Variants in EYS observed in about 807,000 individuals in gnomAD.
EYS encodes the protein EGF-like photoreceptor maintenance factor.
Under a neutral mutation model 282.1 loss-of-function variants are expected in EYS, and 250 were observed. That is an observed-to-expected ratio of 0.89 (90% CI 0.80 to 0.98). The LOEUF (loss-of-function observed/expected upper bound fraction) is 0.98, where lower values mean the gene tolerates loss of function less well. Ranked by LOEUF, EYS falls within the 50% of genes least tolerant of loss-of-function variation. The pLI is 0.00. For synonymous variants in EYS, 1,355 were observed against 1,282.9 expected (o/e 1.06, Z -1.20); for missense variants, 4,016 against 3,709.0 (o/e 1.08, Z -2.15).
In EYS at chr6:64,734,080, T is replaced by C. The variant is rs574586192; in HGVS notation, c.3443+79298A>G. On this transcript the variant is annotated intron_variant, in intron 22 of 42. Coordinates refer to ENST00000503581, the MANE Select transcript of EYS (RefSeq NM_001142800.2). The stretch of plus-strand genomic sequence containing the variant: ...AGTAACAATATTATATTGTGGTGCT[T>C]ACCCAATCACGAATCTTCTGCCCAT... Among the ~76,000 whole-genome samples the C allele has an allele frequency of 9.2e-5, 14 of 151,812 alleles. No individual in the cohort carries two copies. In the East Asian group the frequency reaches 2.7e-3, roughly 29 times the overall value.
At chr6:64,142,305 G>A (rs890125261) in intron 31 of EYS, among the ~76,000 whole-genome samples, 5 of 151,906 alleles carry the variant, frequency 3.3e-5, no homozygotes, top group Admixed American at 6.6e-5. Context: ...TACTACAGAT[G>A]GGATATGTCA....
intron 26 of EYS, among the ~76,000 whole-genome samples, chr6:64,568,854 C>T (rs1765634712): frequency 6.6e-6 from 1 of 151,874 alleles, no homozygotes; most frequent in Non-Finnish European, 1.5e-5. Flanking sequence ...TGGAGTGGAC[C>T]TCCAGCAAAC....
chr6:64,610,292 G>C (rs1249605706), intron 24 of EYS, among the ~76,000 whole-genome samples: 2 of 151,904 alleles, frequency 1.3e-5, no homozygotes, highest in Non-Finnish European at 2.9e-5. Context: ...GCAAAAATCT[G>C]ATGCATAAAG....
intron 33 of EYS, among the ~76,000 whole-genome samples, chr6:64,017,694 A>G (rs1215014705): frequency 1.3e-5 from 2 of 152,200 alleles, no homozygotes; most frequent in Non-Finnish European, 2.9e-5. Flanking sequence ...CCCACAGCCC[A>G]GTGACAATTC....
chr6:64,805,790 T>C (rs1764403354), intron 22 of EYS, among the ~76,000 whole-genome samples: 1 of 151,364 alleles, frequency 6.6e-6, no homozygotes. Context: ...AAAATTCTGA[T>C]TTGGAGAACT....
At chr6:65,510,026 T>A (rs928151153) in intron 2 of EYS, among the ~76,000 whole-genome samples, 13 of 152,106 alleles carry the variant, frequency 8.5e-5, no homozygotes, top group African/African-American at 9.7e-5. Context: ...TTTCTTTTTT[T>A]AATTATTATT....
chr6:64,184,723 A>C (rs1764883575), intron 31 of EYS, among the ~76,000 whole-genome samples: 1 of 152,188 alleles, frequency 6.6e-6, no homozygotes, highest in African/African-American at 2.4e-5. Flanking sequence ...GATTTCACAA[A>C]TGTAAATTGA....
intron 11 of EYS, among the ~76,000 whole-genome samples, chr6:65,306,859 A>AAAAAAAAAAAAAAAAAAAAAAAAAT: frequency 7.0e-6 from 1 of 142,400 alleles, no homozygotes. Context: ...AAAAAAAAAA[A>AAAAAAAAAAAAAAAAAAAAAAAAAT]AAAGAAAGTC....
chr6:63,804,207 G>A (rs1770848806), intron 37 of EYS, among the ~76,000 whole-genome samples: 2 of 152,006 alleles, frequency 1.3e-5, no homozygotes, highest in African/African-American at 2.4e-5. Context: ...GTAGAGACGG[G>A]GTTTCTCCAT....
At chr6:64,856,401 G>A (rs1295177874) in intron 19 of EYS, among the ~76,000 whole-genome samples, 1 of 152,064 alleles carries the variant, frequency 6.6e-6, no homozygotes, top group Non-Finnish European at 1.5e-5. Context: ...CCCAGGCTAA[G>A]GTGATCTTCC....
chr6:65,326,344 A>AT (rs1470696651), intron 11 of EYS, among the ~76,000 whole-genome samples: 1 of 150,924 alleles, frequency 6.6e-6, no homozygotes, highest in East Asian at 1.9e-4. Flanking sequence ...AAATGGTGTA[A>AT]TTTTTTTCTA....
chr6:64,943,343 C>G (rs1258266770), intron 15 of EYS, among the ~76,000 whole-genome samples: 1 of 151,910 alleles, frequency 6.6e-6, no homozygotes, highest in Non-Finnish European at 1.5e-5. Flanking sequence ...AAGTCCGAGC[C>G]AGAGCTATCA....
rs1180829806 is a variant in EYS, at chr6:63,721,176, G to A, written c.8855C>T (p.Thr2952Ile). ...CATAAATTTTGCAGTTGAAAATGAAGTTTTGTTTTCACAATACCTTCCCAC... is the reference window on the plus strand; with the variant it reads ...CATAAATTTTGCAGTTGAAAATGAAATTTTGTTTTCACAATACCTTCCCAC... Reference protein sequence around the residue: ...GWVGRYCENKTSFSTAKFMGN... With the variant: ...GWVGRYCENKISFSTAKFMGN... The change falls in exon 43 of 43, where the codon ACT (threonine) becomes ATT (isoleucine). Residue 2952 changes from threonine to isoleucine, a missense_variant. Thr to Ile is a moderately conservative substitution (Grantham distance 89). Coordinates refer to ENST00000503581, the MANE Select transcript of EYS (RefSeq NM_001142800.2). 3.2e-6 allele frequency: 5 copies of A among 1,551,454 alleles called. No individual in the cohort carries two copies. The African/African-American group carries it at 4.1e-5, about 13-fold the overall frequency.
chr6:64,434,408 T>C (rs1477325790), intron 28 of EYS, among the ~76,000 whole-genome samples: 3 of 152,136 alleles, frequency 2.0e-5, no homozygotes. Context: ...GATGTAGTTA[T>C]GTGTGTGTAA....
At chr6:64,598,572 G>T (rs1766661192) in intron 24 of EYS, among the ~76,000 whole-genome samples, 1 of 152,174 alleles carries the variant, frequency 6.6e-6, no homozygotes, top group Admixed American at 6.5e-5. Flanking sequence ...TATGTTTGAG[G>T]AAAAATATGC....
intron 26 of EYS, among the ~76,000 whole-genome samples, chr6:64,533,094 G>A (rs933742281): frequency 2.0e-5 from 3 of 152,082 alleles, no homozygotes; most frequent in East Asian, 1.9e-4. Context: ...GTATTTGAAG[G>A]GTTCAAAGAT....
At chr6:64,213,107 G>A (rs1294439680) in intron 31 of EYS, among the ~76,000 whole-genome samples, 1 of 152,060 alleles carries the variant, frequency 6.6e-6, no homozygotes, top group African/African-American at 2.4e-5. Context: ...AGTGGGAAGA[G>A]GGAGAGGATC....
intron 2 of EYS, among the ~76,000 whole-genome samples, chr6:65,607,260 G>A (rs1027103066): frequency 1.3e-5 from 2 of 151,508 alleles, no homozygotes; most frequent in Non-Finnish European, 3.0e-5. Context: ...ATAAAGGTTG[G>A]CACTCTGCAC....
intron 8 of EYS, among the ~76,000 whole-genome samples, chr6:65,354,325 C>T (rs1043678555): frequency 9.2e-5 from 14 of 152,052 alleles, no homozygotes; most frequent in African/African-American, 3.4e-4. Flanking sequence ...TTTTTATTAA[C>T]AAATCTCCCT....
Sources: gnomAD v4.1 joint callset for allele counts (sites outside exome capture counted in the v4.1 genomes callset) on GRCh38, gnomAD v4.1.1 for gene constraint, MANE v1.5 for transcripts, NCBI Gene and HGNC (gene_info 2026-07-23, HGNC 2026-07-21) for gene names.